STXBP5: variants seen among roughly 807,000 people sequenced by gnomAD.
STXBP5 encodes the protein syntaxin binding protein 5.
Under a neutral mutation model 152.4 loss-of-function variants are expected in STXBP5, and 50 were observed. The ratio of observed to expected loss-of-function variants is 0.33; its 90% CI spans 0.26 to 0.42. The LOEUF is 0.42. STXBP5 is among the 10% of genes least tolerant of loss of function. The probability of loss-of-function intolerance (pLI) is 1.00; values close to 1 mark genes in which losing one functional copy is unlikely to be tolerated. For synonymous variants in STXBP5, 492 were observed against 494.7 expected (o/e 0.99, Z 0.07); for missense variants, 1,167 against 1,388.6 (o/e 0.84, Z 2.54).
At chr6:147,218,239 A>T (rs749390603) in intron 2 of STXBP5, among the ~76,000 whole-genome samples, 11 of 152,180 alleles carry the variant, frequency 7.2e-5, no homozygotes, top group Non-Finnish European at 1.5e-4. Flanking sequence ...TTCTTTGCAC[A>T]TTTTATGTGT....
intron 26 of STXBP5, among the ~76,000 whole-genome samples, chr6:147,374,275 C>T (rs773054873): frequency 5.3e-5 from 8 of 152,140 alleles, no homozygotes; most frequent in Non-Finnish European, 8.8e-5. Flanking sequence ...GTACCTTCCA[C>T]GTAGTTGATA....
chr6:147,284,618 T>C (rs1295042255), intron 8 of STXBP5, among the ~76,000 whole-genome samples: 1 of 152,214 alleles, frequency 6.6e-6, no homozygotes, highest in African/African-American at 2.4e-5. Context: ...GAACTTGGTC[T>C]TAAAGGATGA....
At chr6:147,287,175 A>T (rs1781010777) in intron 8 of STXBP5, among the ~76,000 whole-genome samples, 2 of 150,582 alleles carry the variant, frequency 1.3e-5, no homozygotes, top group Admixed American at 1.3e-4. Flanking sequence ...ACTATAGTTC[A>T]ATAATAACTT....
At chr6:147,284,195 G>A (rs920096292) in intron 8 of STXBP5, among the ~76,000 whole-genome samples, 1 of 151,972 alleles carries the variant, frequency 6.6e-6, no homozygotes, top group African/African-American at 2.4e-5. Context: ...CCCGCTGTCC[G>A]TGCATTTTGA....
In STXBP5 at chr6:147,278,089, C is replaced by T; in HGVS notation, c.723C>T (p.His241=). 1.2e-6 allele frequency: 2 copies of T among 1,611,880 alleles called. No individual in the cohort carries two copies. Among genetic ancestry groups the T allele is most frequent in the South Asian group, 2.2e-5 (2 of 90,928 alleles). The change falls in exon 8 of 28, where the codon CAC becomes CAT. Residue 241 remains histidine (H), a synonymous_variant. Coordinates refer to ENST00000321680, the MANE Select transcript of STXBP5 (RefSeq NM_001127715.4). ...DYRYTYDEAI[H]SVAWHHEGKQ... is the part of the protein sequence containing the mutation. Reference sequence around the variant, plus strand: ...TTTTCATCCTTCTATAGGCTATCCACTCTGTTGCTTGGCATCATGAAGGAA... The same window carrying T: ...TTTTCATCCTTCTATAGGCTATCCATTCTGTTGCTTGGCATCATGAAGGAA...
rs559065150 is a variant in STXBP5 at position 147,253,735 on chromosome 6, C to G, written c.432-6880C>G. Among the ~76,000 whole-genome samples the G allele has an allele frequency of 3.3e-5, 5 of 152,086 alleles. No individual in the cohort carries two copies. In the South Asian group the frequency reaches 6.2e-4, roughly 19 times the overall value. On this transcript the variant is annotated intron_variant, in intron 4 of 27. Coordinates refer to ENST00000321680, the MANE Select transcript of STXBP5 (RefSeq NM_001127715.4). The stretch of plus-strand genomic sequence containing the variant: ...ATAAAATACCTAGGAATACAACTTA[C>G]AAGGGATGTGAAAGACCTCTTCAAG...
intron 21 of STXBP5, among the ~76,000 whole-genome samples, chr6:147,345,461 C>CGATA (rs1315599936): frequency 6.6e-6 from 1 of 152,168 alleles, no homozygotes; most frequent in Non-Finnish European, 1.5e-5. Flanking sequence ...TTTACTATCT[C>CGATA]AGTTGTTTTA....
intron 9 of STXBP5, among the ~76,000 whole-genome samples, chr6:147,297,011 G>A (rs751439885): frequency 1.3e-5 from 2 of 152,150 alleles, no homozygotes; most frequent in African/African-American, 2.4e-5. Flanking sequence ...TATTTATAGA[G>A]GGTGAGAAGA....
chr6:147,264,652 C>G (rs1053268647), intron 6 of STXBP5, among the ~76,000 whole-genome samples: 1 of 151,952 alleles, frequency 6.6e-6, no homozygotes, highest in Non-Finnish European at 1.5e-5. Flanking sequence ...AAAAATTAGA[C>G]GGGAATTAGT....
chr6:147,327,961 A>G (rs539901979), intron 18 of STXBP5, among the ~76,000 whole-genome samples: 4 of 152,376 alleles, frequency 2.6e-5, no homozygotes, highest in African/African-American at 7.2e-5. Context: ...CATGTGGGAA[A>G]AAAAGGAAAA....
At position 147,204,783 on chromosome 6, in the gene STXBP5, C is replaced by CCAA. The variant is rs1776453650; in HGVS notation, c.150+102_150+104dup. 1.7e-6 allele frequency: 2 copies of CCAA among 1,211,856 alleles called. No individual in the cohort carries two copies. Among genetic ancestry groups the CCAA allele is most frequent in the South Asian group, 3.4e-5 (2 of 59,314 alleles). The allele number at this position is 1,211,856 out of a possible 1,614,324, so 75.1% of individuals were successfully genotyped here. A position where few individuals can be genotyped will look rare whatever the true frequency, so the allele number is the denominator to read the frequency against. ...CATGGGAATGCAAGGGAAGAGAACGCCAATAATAATAATAATAACTCTAAT... is the reference window on the plus strand; with the variant it reads ...CATGGGAATGCAAGGGAAGAGAACGCCAACAATAATAATAATAATAACTCTAAT... On this transcript the variant is annotated intron_variant, in intron 1 of 27. Transcript: ENST00000321680. The surrounding 1 kb of genome is among the most constrained non-coding windows in gnomAD (Gnocchi z 4.3).
At chr6:147,367,077 C>T (rs903499560) in intron 25 of STXBP5, among the ~76,000 whole-genome samples, 10 of 152,042 alleles carry the variant, frequency 6.6e-5, no homozygotes, top group South Asian at 2.1e-4. Context: ...ATAACAACTG[C>T]GTTCCATATG....
At chr6:147,213,477 T>TGTGTGTGTGTGCGCGCGCGCGCGCGCGC in intron 2 of STXBP5, among the ~76,000 whole-genome samples, 37 of 131,248 alleles carry the variant, frequency 2.8e-4, no homozygotes, top group Middle Eastern at 3.6e-3. Flanking sequence ...TGTGTGTGTG[T>TGTGTGTGTGTGCGCGCGCGCGCGCGCGC]GCGCGCGCAT....
chr6:147,382,041 T>C (rs751694779), intron 26 of STXBP5, among the ~76,000 whole-genome samples: 37 of 152,132 alleles, frequency 2.4e-4, no homozygotes, highest in Non-Finnish European at 4.6e-4. Context: ...ATACGAGTTA[T>C]ATTTAAAGAA....
rs781156895 is a variant in STXBP5 at position 147,310,191 on chromosome 6, A to G, written c.1025A>G (p.Tyr342Cys). The part of the protein sequence containing the change: ...GKSTAVLEMD[Y>C]SIVDFLTLCE... ...AGCACTGCTGTGCTAGAAATGGACT[A>G]TTCAATTGTTGATTTTCTAACGCTG... The change falls in exon 10 of 28, where the codon TAT becomes TGT. Residue 342 changes from tyrosine to cysteine, a missense_variant. By Grantham distance (194) the Tyr-to-Cys change is radical (BLOSUM62 -2). Transcript: ENST00000321680. 13 of 1,600,332 alleles carry G rather than the reference A, an allele frequency of 8.1e-6. No homozygotes were observed. The highest frequency in any genetic ancestry group is 5.4e-5 in the African/African-American group (4 of 74,308).
At chr6:147,378,969 G>A (rs1207749341) in intron 26 of STXBP5, among the ~76,000 whole-genome samples, 1 of 152,086 alleles carries the variant, frequency 6.6e-6, no homozygotes, top group Admixed American at 6.6e-5. Flanking sequence ...AGTTTCAGGA[G>A]AGAATCCATT....
At chr6:147,273,779 A>G (rs571633767) in intron 7 of STXBP5, among the ~76,000 whole-genome samples, 25 of 152,088 alleles carry the variant, frequency 1.6e-4, no homozygotes, top group Middle Eastern at 3.4e-3. Context: ...GTGAAACCCC[A>G]TCTCTACTAA....
At chr6:147,359,350 T>G in intron 23 of STXBP5, 27 bp downstream of exon 23, 1 of 1,600,722 alleles carries the variant, frequency 6.2e-7, no homozygotes, top group South Asian at 1.1e-5. Flanking sequence ...CACTTAGAGT[T>G]ACATTACAGG....
intron 2 of STXBP5, among the ~76,000 whole-genome samples, chr6:147,232,769 AT>A (rs1449034267): frequency 6.6e-6 from 1 of 151,830 alleles, no homozygotes; most frequent in Non-Finnish European, 1.5e-5. Flanking sequence ...TTAAGAAATT[AT>A]TTTTATCATG....
Sources: gnomAD v4.1 joint callset for allele counts (sites outside exome capture counted in the v4.1 genomes callset) on GRCh38, gnomAD v4.1.1 for gene constraint, Gnocchi (gnomAD v3.1) non-coding constraint, MANE v1.5 for transcripts, NCBI Gene and HGNC (gene_info 2026-07-23, HGNC 2026-07-21) for gene names.